Variants in ABCC8 observed in about 807,000 individuals in gnomAD.
ABCC8 encodes ATP-binding cassette sub-family C member 8.
A neutral mutation model predicts 188.0 loss-of-function variants in ABCC8; 137 were observed. The observed-to-expected ratio is 0.73, with a 90% CI of 0.63 to 0.84. The LOEUF (loss-of-function observed/expected upper bound fraction) is 0.84, where lower values mean the gene tolerates loss of function less well. ABCC8 is among the 40% of genes least tolerant of loss of function. The pLI is 0.00. For missense variants in ABCC8, 1,750 were observed against 2,072.7 expected, an observed-to-expected ratio of 0.84 and a Z score of 3.02; for synonymous variants, 797 against 846.5, an observed-to-expected ratio of 0.94 and a Z score of 1.01.
chr11:17,400,268 T>G (rs1213173848), intron 29 of ABCC8, among the ~76,000 whole-genome samples: 6 of 152,002 alleles, frequency 3.9e-5, no homozygotes, highest in Non-Finnish European at 5.9e-5. Context: ...GTGTCTGCAG[T>G]GAGTGTGAAA....
rs866770564 is a variant in ABCC8, at chr11:17,450,316, T to C, written c.1177-1645A>G. 2.6e-3 allele frequency among the ~76,000 whole-genome samples: 298 copies of C among 116,156 alleles called. 1 individual carries two copies. Among genetic ancestry groups the C allele is most frequent in the African/African-American group, 0.01 (285 of 27,268 alleles). The allele number at this position is 116,156 out of a possible 152,430, so 76.2% of individuals were successfully genotyped here. On this transcript the variant is annotated intron_variant, in intron 7 of 38. Transcript: ENST00000389817. ...TTTCTTTCTTTCTTTCTTTCTTTCT[T>C]TCTTTCTTTCTCTCTCTCTCTTTCC...
At chr11:17,465,803 C>CTA (rs2133694999) in intron 3 of ABCC8, among the ~76,000 whole-genome samples, 1 of 152,302 alleles carries the variant, frequency 6.6e-6, no homozygotes, top group East Asian at 1.9e-4. Flanking sequence ...TGTATTCCCG[C>CTA]TATACCCTGA....
chr11:17,457,246 C>G (rs956402055), intron 6 of ABCC8, among the ~76,000 whole-genome samples: 1 of 152,070 alleles, frequency 6.6e-6, no homozygotes, highest in East Asian at 1.9e-4. Flanking sequence ...ATATGGCAAT[C>G]CAAACGGGGG....
At chr11:17,439,355 T>C (rs1156843045) in intron 10 of ABCC8, among the ~76,000 whole-genome samples, 1 of 151,994 alleles carries the variant, frequency 6.6e-6, no homozygotes, top group Non-Finnish European at 1.5e-5. Context: ...AGTCTGATGG[T>C]GCCGCATATG....
rs1025412423 is a variant in ABCC8, at chr11:17,430,798, C to T, written c.1817+16G>A. On this transcript the variant is annotated intron_variant, in intron 12 of 38. Transcript: ENST00000389817. ...GACCTGCCTGCCCAGTGCCCTCGCC[C>T]GGACCCTCCCCTCACCTCACTAGAG... 11 of 1,613,566 alleles carry T rather than the reference C, an allele frequency of 6.8e-6. No individual in the cohort carries two copies. The highest frequency in any genetic ancestry group is 1.7e-4 in the Middle Eastern group (1 of 6,048).
chr11:17,467,079 CACACACAA>C (rs961182688), intron 3 of ABCC8, among the ~76,000 whole-genome samples: 1 of 150,820 alleles, frequency 6.6e-6, no homozygotes, highest in African/African-American at 2.5e-5. Flanking sequence ...CACACACACA[CACACACAA>C]CTTCCCATTG....
At chr11:17,470,706 T>C (rs894793257) in intron 2 of ABCC8, among the ~76,000 whole-genome samples, 7 of 152,194 alleles carry the variant, frequency 4.6e-5, no homozygotes, top group African/African-American at 1.7e-4. Flanking sequence ...TAGTCTCCCA[T>C]TTTATGGGGT....
At chr11:17,447,495 T>G (rs1018925455) in intron 8 of ABCC8, among the ~76,000 whole-genome samples, 1 of 152,172 alleles carries the variant, frequency 6.6e-6, no homozygotes, top group African/African-American at 2.4e-5. Context: ...GCGTGATCAT[T>G]GCTCACTGCA....
intron 23 of ABCC8, 153 bp downstream of exon 23, chr11:17,408,234 TCTCTC>T: frequency 1.4e-6 from 1 of 690,842 alleles, no homozygotes; most frequent in Non-Finnish European, 2.4e-6. Flanking sequence ...ACAGGTACTG[TCTCTC>T]CTCTGGTAGG....
intron 6 of ABCC8, among the ~76,000 whole-genome samples, chr11:17,454,723 G>A (rs1401666588): frequency 6.6e-6 from 1 of 152,158 alleles, no homozygotes; most frequent in African/African-American, 2.4e-5. Context: ...ATGAAAAAAA[G>A]GAGTTTCAGT....
chr11:17,459,780 C>G (rs765887697), intron 6 of ABCC8, among the ~76,000 whole-genome samples: 3 of 152,160 alleles, frequency 2.0e-5, no homozygotes, highest in African/African-American at 7.2e-5. Context: ...ATGCTACGGC[C>G]CCACGCAGGG....
intron 7 of ABCC8, among the ~76,000 whole-genome samples, chr11:17,451,651 G>A (rs1298637898): frequency 6.6e-6 from 1 of 152,196 alleles, no homozygotes; most frequent in Non-Finnish European, 1.5e-5. Flanking sequence ...CAAAGAACAA[G>A]GTAGCTTCAG....
intron 11 of ABCC8, among the ~76,000 whole-genome samples, chr11:17,431,297 C>T (rs1005330002): frequency 2.6e-4 from 40 of 152,320 alleles, no homozygotes; most frequent in African/African-American, 9.6e-4. Context: ...TGCTCATCTC[C>T]CCAGTCCTCA....
intron 33 of ABCC8, 90 bp downstream of exon 33, chr11:17,396,826 C>T (rs2133406234): frequency 3.9e-6 from 6 of 1,537,824 alleles, no homozygotes; most frequent in East Asian, 2.3e-5. Flanking sequence ...TGGAGGGCCA[C>T]GAGGTGACTG....
chr11:17,449,524 C>A (rs987153841), intron 7 of ABCC8, among the ~76,000 whole-genome samples: 2 of 152,224 alleles, frequency 1.3e-5, no homozygotes, highest in Non-Finnish European at 2.9e-5. Context: ...CCTCACAGGG[C>A]AGACAGAGAG....
At chr11:17,473,638 C>A (rs1239385515) in intron 2 of ABCC8, among the ~76,000 whole-genome samples, 13 of 152,292 alleles carry the variant, frequency 8.5e-5, no homozygotes, top group African/African-American at 2.2e-4. Context: ...TTACTGGATT[C>A]TTCCTTAGTG....
chr11:17,463,369 G>T, intron 4 of ABCC8, 69 bp downstream of exon 4: 1 of 1,362,208 alleles, frequency 7.3e-7, no homozygotes, highest in South Asian at 1.3e-5. Context: ...GTGGGGGCCT[G>T]AACCCAGGGC....
intron 10 of ABCC8, chr11:17,435,689 C>A: frequency 2.9e-6 from 4 of 1,386,446 alleles, no homozygotes; most frequent in Non-Finnish European, 4.1e-6. Context: ...GCTGCCAGCC[C>A]TACAGAGGAC....
intron 16 of ABCC8, among the ~76,000 whole-genome samples, chr11:17,424,168 T>C (rs1450175882): frequency 6.7e-6 from 1 of 150,284 alleles, no homozygotes; most frequent in Admixed American, 6.6e-5. Context: ...TGTCGGGGGG[T>C]GGGAGGCAAG....
Sources: allele counts gnomAD v4.1 joint callset (sites outside exome capture counted in the v4.1 genomes callset), GRCh38; gene constraint gnomAD v4.1.1; transcripts MANE v1.5; gene names NCBI Gene and HGNC (gene_info 2026-07-23, HGNC 2026-07-21).